Variants in C1R observed in about 807,000 individuals in gnomAD.
C1R encodes the protein complement C1r subcomponent.
In C1R, 15 loss-of-function variants were observed where a neutral mutation model predicts 27.6. The ratio of observed to expected loss-of-function variants is 0.54; its 90% CI spans 0.36 to 0.84. The LOEUF is 0.84. Among genes scored for constraint, C1R ranks in the 40% least tolerant of loss-of-function variants. C1R has a pLI of 0.01. For synonymous variants in C1R, 253 were observed against 228.8 expected (o/e 1.11, Z -0.95); for missense variants, 544 against 577.9 (o/e 0.94, Z 0.60).
At chr12:7,081,440 C>G in intron 10 of C1R, 139 bp from the exon 11 acceptor site, 2 of 710,908 alleles carry the variant, frequency 2.8e-6, no homozygotes, top group South Asian at 3.1e-5. Flanking sequence ...CCCCACACCT[C>G]CGTCATTGGC....
intron 2 of C1R, 75 bp from the exon 3 acceptor site, chr12:7,090,323 T>A: frequency 3.0e-6 from 2 of 667,532 alleles, no homozygotes; most frequent in Non-Finnish European, 5.5e-6. Context: ...GTGATGGTCC[T>A]CCTTGTCTCG....
chr12:7,088,330 A>G, intron 7 of C1R: 1 of 649,494 alleles, frequency 1.5e-6, no homozygotes, highest in Non-Finnish European at 2.8e-6. Context: ...TTATTTGCTT[A>G]TTTTTATTTT....
intron 9 of C1R, among the ~76,000 whole-genome samples, chr12:7,083,474 A>AT (rs1226864192): frequency 3.7e-4 from 3 of 8,208 alleles, no homozygotes; most frequent in Non-Finnish European, 7.5e-4. Context: ...GATGGAGGTG[A>AT]TGGTGGTGTT....
intron 10 of C1R, 130 bp from the exon 11 acceptor site, chr12:7,081,431 C>A: frequency 1.3e-6 from 1 of 759,596 alleles, no homozygotes; most frequent in Non-Finnish European, 2.3e-6. Context: ...TCCTCCCATC[C>A]CCACACCTCC....
intron 3 of C1R, 161 bp downstream of exon 3, chr12:7,089,895 G>T: frequency 1.4e-6 from 1 of 708,820 alleles, no homozygotes; most frequent in Non-Finnish European, 2.6e-6. Flanking sequence ...GCTCCATGGG[G>T]ACAGAGCCCA....
Position 7,091,828 on chromosome 12 carries a change from G to A in C1R, c.3-148C>T. The A allele has an allele frequency of 4.3e-6, 3 of 703,816 alleles. No individual in the cohort carries two copies. Among genetic ancestry groups the A allele is most frequent in the East Asian group, 2.7e-5 (1 of 37,232 alleles). The allele number at this position is 703,816 out of a possible 1,614,324, so 43.6% of individuals were successfully genotyped here. A position where few individuals can be genotyped will look rare whatever the true frequency, so the allele number is the denominator to read the frequency against. Reference sequence around the variant, plus strand: ...AACCTCACAGACATGTTCTCAGCAGGGGTGCGTGGGTGGGGAGGATGGCCT... The same window carrying A: ...AACCTCACAGACATGTTCTCAGCAGAGGTGCGTGGGTGGGGAGGATGGCCT... On this transcript the variant is annotated intron_variant, in intron 1 of 10. Coordinates refer to ENST00000647956, the MANE Select transcript of C1R (RefSeq NM_001733.7). The surrounding 1 kb of genome is among the most constrained non-coding windows in gnomAD (Gnocchi z 5.1).
intron 7 of C1R, chr12:7,087,059 TA>T (rs1272910990): frequency 2.0e-5 from 3 of 152,216 alleles, no homozygotes; most frequent in Admixed American, 2.0e-4. Flanking sequence ...GACAAATGAA[TA>T]AGTTTTACTA....
Position 7,089,296 on chromosome 12 carries a change from T to C in C1R, c.765A>G (p.Leu255=), listed in dbSNP as rs1021294019. ...TTCAGGGGTAGGACGGCTGTACCTG[T>C]AGCTGGTCATAGGGGCAGTGTACTT... ...HQQVHCPYDQ[L]QIYANGKNIG... is the part of the protein sequence containing the mutation. The change falls in exon 5 of 11, where the codon CTA becomes CTG. Residue 255 remains leucine, a synonymous_variant. Coordinates refer to ENST00000647956, the MANE Select transcript of C1R (RefSeq NM_001733.7). 6 of 780,160 alleles carry C rather than the reference T, an allele frequency of 7.7e-6. No individual in the cohort carries two copies. Among genetic ancestry groups the C allele is most frequent in the Non-Finnish European group, 1.4e-5 (6 of 417,836 alleles). 48.3% of individuals were successfully genotyped at this position (780,160 alleles called of 1,614,324 possible). A position where few individuals can be genotyped will look rare whatever the true frequency, so the allele number is the denominator to read the frequency against.
chr12:7,088,821 G>A lies in C1R; in HGVS notation c.916+18C>T, dbSNP rs762771936. Reference sequence around the variant, plus strand: ...TCCCCATTGCTGGCCATCGAGGGAGGCCTGCAGGGAGCCTTACTCTCGGTG... The same window carrying A: ...TCCCCATTGCTGGCCATCGAGGGAGACCTGCAGGGAGCCTTACTCTCGGTG... On this transcript the variant is annotated intron_variant, in intron 6 of 10. Coordinates refer to ENST00000647956, the MANE Select transcript of C1R (RefSeq NM_001733.7). 1.0e-5 allele frequency: 8 copies of A among 773,172 alleles called. No individual in the cohort carries two copies. The highest frequency in any genetic ancestry group is 9.5e-5 in the South Asian group (7 of 73,544). The allele number at this position is 773,172 out of a possible 1,614,324, so 47.9% of individuals were successfully genotyped here. A position where few individuals can be genotyped will look rare whatever the true frequency, so the allele number is the denominator to read the frequency against.
In C1R at chr12:7,091,636, C is replaced by G; in HGVS notation, c.47G>C (p.Gly16Ala). 1.3e-6 allele frequency: 1 copy of G among 757,840 alleles called. No individual in the cohort carries two copies. Among genetic ancestry groups the G allele is most frequent in the Non-Finnish European group, 2.5e-6 (1 of 406,600 alleles). The allele number at this position is 757,840 out of a possible 1,614,324, so 46.9% of individuals were successfully genotyped here. A position where few individuals can be genotyped will look rare whatever the true frequency, so the allele number is the denominator to read the frequency against. Residue 16 changes from glycine (G) to alanine (A), a missense_variant, in exon 2 of 11, where the codon GGA becomes GCA. Gly to Ala is a moderately conservative substitution (Grantham distance 60). This residue lies in a region of C1R where 291 missense variants were observed against 209.0 expected (regional missense o/e 1.39). Transcript: ENST00000647956. The surrounding 1 kb of genome is among the most constrained non-coding windows in gnomAD (Gnocchi z 5.1). ...LLVPALFCRAGGSIPIPQKLF... is the reference protein window; with the variant it reads ...LLVPALFCRAAGSIPIPQKLF... Reference sequence around the variant, plus strand: ...CTTCTGAGGGATGGGAATGGAGCCTCCTGCCCTGCAGAACAGGGCCGGCAC... The same window carrying G: ...CTTCTGAGGGATGGGAATGGAGCCTGCTGCCCTGCAGAACAGGGCCGGCAC...
chr12:7,085,468 G>C (rs986672055), intron 9 of C1R, among the ~76,000 whole-genome samples: 1 of 151,920 alleles, frequency 6.6e-6, no homozygotes, highest in Admixed American at 6.6e-5. Flanking sequence ...TGGTGGTGTT[G>C]GTAATGGTAA....
intron 9 of C1R, among the ~76,000 whole-genome samples, chr12:7,082,370 T>C (rs780083521): frequency 1.3e-5 from 2 of 152,234 alleles, no homozygotes; most frequent in Admixed American, 6.5e-5. Context: ...CTCACTCTGT[T>C]GCCCAGGCTG....
chr12:7,082,064 T>G lies in C1R; in HGVS notation c.1316A>C (p.Gln439Pro). The G allele has an allele frequency of 6.5e-7, 1 of 1,537,078 alleles. No individual in the cohort carries two copies. Among genetic ancestry groups the G allele is most frequent in the Non-Finnish European group, 8.7e-7 (1 of 1,146,734 alleles). ...GCACCGAGGAATCTTCTCTCCCTTC[T>G]GTTCATTCTTCCAAATGCCCTGTGC... ...CTAQGIWKNE[Q>P]KGEKIPRCLP... Residue 439 changes from glutamine to proline, a missense_variant, in exon 10 of 11, where the codon CAG (glutamine) becomes CCG (proline). Coordinates refer to ENST00000647956, the MANE Select transcript of C1R (RefSeq NM_001733.7).
chr12:7,081,385 G>T, intron 10 of C1R, 84 bp from the exon 11 acceptor site: 1 of 1,307,766 alleles, frequency 7.6e-7, no homozygotes, highest in Non-Finnish European at 1.1e-6. Flanking sequence ...CTCCCTGTTT[G>T]CCCTCTCTTT....
intron 7 of C1R, chr12:7,086,811 A>G (rs1938163588): frequency 5.9e-6 from 1 of 169,518 alleles, no homozygotes; most frequent in East Asian, 1.5e-4. Context: ...GTATCAAAAC[A>G]AAAGCCTGTG....
intron 9 of C1R, 24 bp from the exon 10 acceptor site, chr12:7,082,130 CAAGTTGGGGGGTG>C (rs1273327092): frequency 8.1e-6 from 11 of 1,363,942 alleles, no homozygotes; most frequent in African/African-American, 1.4e-5. Flanking sequence ...AGGCAAGAAT[CAAGTTGGGGGGTG>C]ATGGGTAAGA....
chr12:7,090,473 G>A, intron 2 of C1R: 2 of 543,080 alleles, frequency 3.7e-6, no homozygotes, highest in Admixed American at 3.2e-5. Context: ...CCTGGACTGG[G>A]TACCTCACCC....
chr12:7,085,501 G>A (rs1329000359), intron 9 of C1R, among the ~76,000 whole-genome samples: 7 of 152,078 alleles, frequency 4.6e-5, no homozygotes, highest in African/African-American at 1.2e-4. Flanking sequence ...TGGTGATGGC[G>A]GTGATGGTGG....
rs1246604636 is a variant in C1R at position 7,082,100 on chromosome 12, T to C, written c.1280A>G (p.Tyr427Cys). 1.3e-6 allele frequency: 2 copies of C among 1,521,060 alleles called. No homozygotes were observed. The highest frequency in any genetic ancestry group is 2.0e-5 in the Admixed American group (1 of 50,964). 94.2% of individuals were successfully genotyped at this position (1,521,060 alleles called of 1,614,324 possible). Residue 427 changes from tyrosine (Y) to cysteine (C), a missense_variant, in exon 10 of 11, where the codon TAC (tyrosine) becomes TGC (cysteine). Tyr to Cys is a radical substitution (Grantham distance 194). Coordinates refer to ENST00000647956, the MANE Select transcript of C1R (RefSeq NM_001733.7). ...CCAAATGCCCTGTGCTGTGCAGGTG[T>C]ACACCCCTGAGGGCAGAGGAGGCAA... is the stretch of plus-strand genomic sequence containing the variant. ...AGSRESEQGV[Y>C]TCTAQGIWKN...
Sources: gnomAD v4.1 joint callset for allele counts (sites outside exome capture counted in the v4.1 genomes callset) on GRCh38, gnomAD v4.1.1 for gene constraint, gnomAD v4.1.1 regional missense constraint, Gnocchi (gnomAD v3.1) non-coding constraint, MANE v1.5 for transcripts, NCBI Gene and HGNC (gene_info 2026-07-23, HGNC 2026-07-21) for gene names.